CPD: variants seen among roughly 807,000 people sequenced by gnomAD.
The protein encoded by CPD is carboxypeptidase D.
Under a neutral mutation model 138.3 loss-of-function variants are expected in CPD, and 69 were observed. The observed-to-expected ratio is 0.50, with a 90% CI of 0.41 to 0.61. The LOEUF is 0.61. Among genes scored for constraint, CPD ranks in the 20% least tolerant of loss-of-function variants. CPD has a pLI of 0.00. For missense variants in CPD, 1,432 were observed against 1,733.3 expected, an observed-to-expected ratio of 0.83 and a Z score of 3.09; for synonymous variants, 651 against 642.1, an observed-to-expected ratio of 1.01 and a Z score of -0.21.
intron 2 of CPD, among the ~76,000 whole-genome samples, chr17:30,409,880 A>G (rs1486113420): frequency 6.6e-6 from 1 of 151,608 alleles, no homozygotes; most frequent in Non-Finnish European, 1.5e-5. Context: ...GATTTTAGTT[A>G]TTTCTTGCCT....
At chr17:30,460,678 G>A (rs1913447624) in intron 17 of CPD, among the ~76,000 whole-genome samples, 1 of 152,132 alleles carries the variant, frequency 6.6e-6, no homozygotes, top group African/African-American at 2.4e-5. Context: ...TGGTAAGTTG[G>A]GTTTTTGAAC....
At position 30,445,963 on chromosome 17, in the gene CPD, T is replaced by C; in HGVS notation, c.2816T>C (p.Leu939Ser). The C allele has an allele frequency of 6.2e-7, 1 of 1,614,008 alleles. No homozygotes were observed. Among genetic ancestry groups the C allele is most frequent in the South Asian group, 1.1e-5 (1 of 91,082 alleles). Residue 939 changes from leucine (L) to serine (S), a missense_variant, in exon 12 of 21, where the codon TTA (leucine) becomes TCA (serine). By Grantham distance (145) the Leu-to-Ser change is moderately radical. Around this residue, in one of 6 missense-constraint regions of CPD, gnomAD observed 124 missense variants for 117.0 expected, o/e 1.06. Coordinates refer to ENST00000225719, the MANE Select transcript of CPD (RefSeq NM_001304.5). ...ALYRYHSYKD[L>S]SEFLRGLVMN... is the part of the protein sequence containing the mutation. Reference sequence around the variant, plus strand: ...TATCGATACCATTCCTACAAAGACTTATCAGAGTTTCTGAGAGGACTTGTA... The same window carrying C: ...TATCGATACCATTCCTACAAAGACTCATCAGAGTTTCTGAGAGGACTTGTA...
chr17:30,437,119 G>C (rs1912724327), intron 8 of CPD, among the ~76,000 whole-genome samples: 1 of 151,986 alleles, frequency 6.6e-6, no homozygotes, highest in Non-Finnish European at 1.5e-5. Flanking sequence ...GGTTTGGAGT[G>C]GGGGTGGGGA....
chr17:30,452,143 TATACACGCACA>T (rs1262301775), intron 14 of CPD, among the ~76,000 whole-genome samples: 3 of 152,234 alleles, frequency 2.0e-5, no homozygotes, highest in African/African-American at 7.2e-5. Context: ...TGTGTATGTG[TATACACGCACA>T]ACACACACGT....
chr17:30,458,944 GGT>G (rs1913377331), intron 17 of CPD, among the ~76,000 whole-genome samples: 3 of 151,144 alleles, frequency 2.0e-5, no homozygotes, highest in African/African-American at 7.3e-5. Context: ...TATTTTTTAT[GGT>G]ATGAAGTAGG....
chr17:30,445,845 A>C lies in CPD; in HGVS notation c.2698A>C (p.Lys900Gln). The change falls in exon 12 of 21, where the codon AAA becomes CAA. Residue 900 changes from lysine (K) to glutamine (Q), a missense_variant. By Grantham distance (53) the Lys-to-Gln change is moderately conservative. Around this residue, in one of 6 missense-constraint regions of CPD, gnomAD observed 124 missense variants for 117.0 expected, o/e 1.06. Transcript: ENST00000225719. ...CAATGATGCCAGTGATCCAACTACT[A>C]AAGAGTTTGAAACTTTAATTAAAGA... is the stretch of plus-strand genomic sequence containing the variant. ...STNDASDPTT[K>Q]EFETLIKDLS... is the part of the protein sequence containing the mutation. The C allele has an allele frequency of 6.2e-7, 1 of 1,614,130 alleles. No individual in the cohort carries two copies. The highest frequency in any genetic ancestry group is 8.5e-7 in the Non-Finnish European group (1 of 1,179,996).
Position 30,455,394 on chromosome 17 carries a change from G to A in CPD, c.3261G>A (p.Gln1087=). Residue 1087 remains glutamine, a synonymous_variant, in exon 15 of 21, where the codon CAG becomes CAA. Transcript: ENST00000225719. ...KAIIENLIQK[Q]DFSLSVALDG... ...TCATTGAAAATTTGATTCAAAAACA[G>A]GACTTTAGTCTTTCTGTTGCCTTAG... 1 of 1,613,642 alleles carries A rather than the reference G, an allele frequency of 6.2e-7. No individual in the cohort carries two copies. The highest frequency in any genetic ancestry group is 8.5e-7 in the Non-Finnish European group (1 of 1,179,794).
rs528881334 is a variant in CPD, at chr17:30,412,167, G to A, written c.995-8674G>A. Among the ~76,000 whole-genome samples, 8 of 152,340 alleles carry A rather than the reference G, an allele frequency of 5.3e-5. No individual in the cohort carries two copies. In the South Asian group the frequency reaches 1.7e-3, roughly 32 times the overall value. On this transcript the variant is annotated intron_variant, in intron 2 of 20. Coordinates refer to ENST00000225719, the MANE Select transcript of CPD (RefSeq NM_001304.5). ...TGGAGGTCCACTCCGGACCCTGTTT[G>A]CCTAGGTCTCACCAGTGGAGGCTGC...
chr17:30,419,600 C>A (rs1912212373), intron 2 of CPD, among the ~76,000 whole-genome samples: 1 of 152,190 alleles, frequency 6.6e-6, no homozygotes, highest in South Asian at 2.1e-4. Flanking sequence ...CTCCACCTCA[C>A]AAAGTGCTAG....
Position 30,449,670 on chromosome 17 carries a change from G to A in CPD, c.2991G>A (p.Ala997=), listed in dbSNP as rs779326001. 19 of 1,607,780 alleles carry A rather than the reference G, an allele frequency of 1.2e-5. No individual in the cohort carries two copies. Among genetic ancestry groups the A allele is most frequent in the African/African-American group, 5.4e-5 (4 of 74,478 alleles). Residue 997 remains alanine (A), a synonymous_variant, in exon 13 of 21, where the codon GCG becomes GCA. Transcript: ENST00000225719. ...TTGTTGCTGGTATCCATGGAAATGC[G>A]CCAGTTGGAACTGAACTGCTTTTGG... ...IRFVAGIHGN[A]PVGTELLLAL... is the part of the protein sequence containing the mutation.
chr17:30,387,435 T>C (rs1009578850), intron 2 of CPD, among the ~76,000 whole-genome samples: 1 of 152,220 alleles, frequency 6.6e-6, no homozygotes, highest in African/African-American at 2.4e-5. Context: ...TAATACAAGC[T>C]TGAACTGTTT....
chr17:30,416,328 G>A (rs991911184), intron 2 of CPD, among the ~76,000 whole-genome samples: 8 of 152,008 alleles, frequency 5.3e-5, no homozygotes, highest in African/African-American at 9.7e-5. Flanking sequence ...GCGAAAGTCC[G>A]TCTCAAAAAA....
At chr17:30,443,054 T>C (rs1301963079) in intron 10 of CPD, among the ~76,000 whole-genome samples, 16 of 152,148 alleles carry the variant, frequency 1.1e-4, no homozygotes, top group Admixed American at 1.0e-3. Flanking sequence ...AAATTTTAAA[T>C]ATACAGAAAA....
chr17:30,380,672 A>G, intron 1 of CPD: 4 of 1,459,490 alleles, frequency 2.7e-6, no homozygotes, highest in Non-Finnish European at 3.7e-6. Flanking sequence ...TAAACTTTAC[A>G]GGAATTGTTC....
intron 2 of CPD, among the ~76,000 whole-genome samples, chr17:30,393,613 TGTGA>T (rs1333151960): frequency 2.0e-5 from 3 of 152,088 alleles, no homozygotes; most frequent in Non-Finnish European, 2.9e-5. Context: ...ATCACAAAAA[TGTGA>T]GTAAGGATAC....
intron 2 of CPD, among the ~76,000 whole-genome samples, chr17:30,389,601 CAATT>C (rs1177697656): frequency 1.3e-5 from 2 of 152,116 alleles, no homozygotes; most frequent in Non-Finnish European, 1.5e-5. Context: ...TTCTAACTGA[CAATT>C]AATTGAGGAA....
At chr17:30,449,455 T>C (rs1481463313) in intron 12 of CPD, 98 bp from the exon 13 acceptor site, 7 of 1,137,898 alleles carry the variant, frequency 6.2e-6, no homozygotes, top group African/African-American at 1.6e-5. Flanking sequence ...TTTAAAACTT[T>C]TTGTGTTTTG....
chr17:30,400,652 CTTTTTTTTTTT>C (rs34301387), intron 2 of CPD, among the ~76,000 whole-genome samples: 6 of 57,578 alleles, frequency 1.0e-4, no homozygotes, highest in South Asian at 7.8e-4. Flanking sequence ...TGCCATCATT[CTTTTTTTTTTT>C]TTTTTTTTTT....
intron 17 of CPD, among the ~76,000 whole-genome samples, chr17:30,457,215 T>C (rs1913324945): frequency 6.6e-6 from 1 of 152,234 alleles, no homozygotes; most frequent in African/African-American, 2.4e-5. Context: ...TTCATGTAAG[T>C]AGAATCATAC....
Sources: gnomAD v4.1 joint callset for allele counts (sites outside exome capture counted in the v4.1 genomes callset) on GRCh38, gnomAD v4.1.1 for gene constraint, gnomAD v4.1.1 regional missense constraint, MANE v1.5 for transcripts, NCBI Gene and HGNC (gene_info 2026-07-23, HGNC 2026-07-21) for gene names.